Variants in MORN5 observed in about 807,000 individuals in gnomAD.
The protein encoded by MORN5 is MORN repeat-containing protein 5.
In MORN5, 21 loss-of-function variants were observed where a neutral mutation model predicts 22.1. The observed-to-expected ratio is 0.95, with a 90% CI of 0.67 to 1.37. The LOEUF (loss-of-function observed/expected upper bound fraction) is 1.37. Ranked by LOEUF, MORN5 falls within the 40% of genes most tolerant of loss-of-function variation. MORN5 has a pLI of 0.00. For missense variants in MORN5, 211 were observed against 215.1 expected (o/e 0.98, Z 0.12); for synonymous variants, 73 against 74.0 (o/e 0.99, Z 0.07).
At chr9:122,181,815 G>A (rs1480525007) in intron 4 of MORN5, among the ~76,000 whole-genome samples, 2 of 152,166 alleles carry the variant, frequency 1.3e-5, no homozygotes, top group East Asian at 3.8e-4. Flanking sequence ...GAGAAATTAT[G>A]GTTAGAAAAA....
chr9:122,170,267 G>T (rs552112629), intron 3 of MORN5, among the ~76,000 whole-genome samples: 1 of 147,796 alleles, frequency 6.8e-6, no homozygotes, highest in African/African-American at 2.5e-5. Flanking sequence ...CTGCACTCCA[G>T]CCTGGGCGAC....
chr9:122,188,687 G>A (rs941628935), intron 4 of MORN5, among the ~76,000 whole-genome samples: 1 of 152,208 alleles, frequency 6.6e-6, no homozygotes, highest in Non-Finnish European at 1.5e-5. Context: ...AACATGTTTA[G>A]TGAACATGGA....
At chr9:122,173,334 A>G (rs927765022) in intron 3 of MORN5, among the ~76,000 whole-genome samples, 1 of 152,228 alleles carries the variant, frequency 6.6e-6, no homozygotes, top group Admixed American at 6.5e-5. Flanking sequence ...CTCTTCGAGC[A>G]TCTGTGAGAT....
chr9:122,175,614 G>A (rs1829438802), intron 4 of MORN5: 1 of 879,992 alleles, frequency 1.1e-6, no homozygotes, highest in Non-Finnish European at 1.3e-6. Flanking sequence ...ACGCGCACAT[G>A]CATACACACA....
chr9:122,199,134 C>T (rs1346465172), intron 4 of MORN5, among the ~76,000 whole-genome samples: 2 of 152,178 alleles, frequency 1.3e-5, no homozygotes, highest in African/African-American at 2.4e-5. Context: ...GTGATTCACT[C>T]AAGTCTCTTT....
rs371222600 is a variant in MORN5 at position 122,188,183 on chromosome 9, G to A, written c.440-11702G>A. ...GGAGTTTAGCTTCAGTCCTTCAGACGGTGAGGAGTAAAGACGGGAGTTGCA... is the reference window on the plus strand; with the variant it reads ...GGAGTTTAGCTTCAGTCCTTCAGACAGTGAGGAGTAAAGACGGGAGTTGCA... On this transcript the variant is annotated intron_variant, in intron 4 of 4. Coordinates refer to ENST00000373764, the MANE Select transcript of MORN5 (RefSeq NM_198469.4). Among the ~76,000 whole-genome samples the A allele has an allele frequency of 1.4e-3, 212 of 152,308 alleles. 1 individual carries two copies. The highest frequency in any genetic ancestry group is 2.2e-3 in the Admixed American group (34 of 15,306).
At position 122,175,485 on chromosome 9, in the gene MORN5, A is replaced by G. The variant is rs372269977; in HGVS notation, c.439+858A>G. 3 of 985,440 alleles carry G rather than the reference A, an allele frequency of 3.0e-6. No homozygotes were observed. The African/African-American group carries it at 5.2e-5, about 17-fold the overall frequency. 61.0% of individuals were successfully genotyped at this position (985,440 alleles called of 1,614,324 possible). A position where few individuals can be genotyped will look rare whatever the true frequency, so the allele number is the denominator to read the frequency against. ...ATAATAGAACATTTTCCTTTAATGC[A>G]GTGATTCCTAAACTTATCCTTTTCT... On this transcript the variant is annotated intron_variant, in intron 4 of 4. Transcript: ENST00000373764.
At chr9:122,181,395 C>T (rs1829537116) in intron 4 of MORN5, among the ~76,000 whole-genome samples, 1 of 152,138 alleles carries the variant, frequency 6.6e-6, no homozygotes, top group Non-Finnish European at 1.5e-5. Flanking sequence ...GGTCTTGGAG[C>T]GATGAATGAC....
In MORN5 at chr9:122,166,920, T is replaced by A. The variant is rs773131155; in HGVS notation, c.195+5T>A. 1.4e-5 allele frequency: 22 copies of A among 1,612,540 alleles called. No individual in the cohort carries two copies. The highest frequency in any genetic ancestry group is 1.7e-6 in the Non-Finnish European group (2 of 1,179,310). ...GAAAACGGATTGGCCATAAAGGTGA[T>A]CAGCTGGGGGGACGGATGCTGTGGA... is the stretch of plus-strand genomic sequence containing the variant. On this transcript the variant is annotated splice_donor_5th_base_variant and intron_variant, in intron 2 of 4. Transcript: ENST00000373764.
In MORN5 at chr9:122,164,527, A is replaced by G. The variant is rs903787453; in HGVS notation, c.48-2241A>G. On this transcript the variant is annotated intron_variant, in intron 1 of 4. Transcript: ENST00000373764. ...CCTGGCCTTGAACCAGAGGATTCTG[A>G]TACCATTCATGGAAATAGAGAACTC... The G allele has an allele frequency of 1.5e-5, 15 of 970,888 alleles. No individual in the cohort carries two copies. In the African/African-American group the frequency reaches 1.9e-4, roughly 12 times the overall value. The allele number at this position is 970,888 out of a possible 1,614,324, so 60.1% of individuals were successfully genotyped here. A position where few individuals can be genotyped will look rare whatever the true frequency, so the allele number is the denominator to read the frequency against.
intron 4 of MORN5, among the ~76,000 whole-genome samples, chr9:122,193,619 G>C (rs879228311): frequency 6.6e-6 from 1 of 152,224 alleles, no homozygotes; most frequent in Non-Finnish European, 1.5e-5. Context: ...AAATGTAAAT[G>C]TTTAAACTAT....
chr9:122,161,811 T>A (rs995583967), intron 1 of MORN5, among the ~76,000 whole-genome samples: 2 of 152,190 alleles, frequency 1.3e-5, no homozygotes, highest in African/African-American at 4.8e-5. Context: ...TGTATTTTCA[T>A]TGGGTTTGTG....
intron 4 of MORN5, chr9:122,175,617 T>TACACAC (rs3048170): frequency 7.0e-5 from 68 of 969,468 alleles, no homozygotes; most frequent in African/African-American, 1.2e-4. Context: ...CGCACATGCA[T>TACACAC]ACACACACAC....
Position 122,169,645 on chromosome 9 carries a change from G to A in MORN5, c.196G>A (p.Gly66Ser). 1 of 1,608,330 alleles carries A rather than the reference G, an allele frequency of 6.2e-7. No individual in the cohort carries two copies. Among genetic ancestry groups the A allele is most frequent in the Non-Finnish European group, 8.5e-7 (1 of 1,174,818 alleles). The change falls in exon 3 of 5, where the codon GGC (glycine) becomes AGC (serine). Residue 66 changes from glycine to serine, a missense_variant and splice_region_variant. Coordinates refer to ENST00000373764, the MANE Select transcript of MORN5 (RefSeq NM_198469.4). ...AIWENGLAIK[G>S]TYTFSDGLHY... is the part of the protein sequence containing the mutation. ...CACGTGTGTGCTCCTTGTCTTCCAG[G>A]GCACATATACGTTCTCAGATGGGCT...
At chr9:122,174,304 G>C (rs1443196129) in intron 3 of MORN5, among the ~76,000 whole-genome samples, 192 bp from the exon 4 acceptor site, 2 of 152,186 alleles carry the variant, frequency 1.3e-5, no homozygotes, top group Non-Finnish European at 2.9e-5. Context: ...CTGTTCCCAA[G>C]AGCCATGTTC....
intron 4 of MORN5, among the ~76,000 whole-genome samples, chr9:122,181,834 G>A (rs1432748123): frequency 2.0e-5 from 3 of 152,200 alleles, no homozygotes; most frequent in Non-Finnish European, 4.4e-5. Context: ...AAAAGATTAA[G>A]TATTCAAAAT....
rs551320627 is a variant in MORN5, at chr9:122,171,582, T to C, written c.307+1826T>C. Reference sequence around the variant, plus strand: ...TCAGAATCCCTGAGCCTAAGATCCCTGCATCAAGCTTCCCTGACACCTGTA... The same window carrying C: ...TCAGAATCCCTGAGCCTAAGATCCCCGCATCAAGCTTCCCTGACACCTGTA... On this transcript the variant is annotated intron_variant, in intron 3 of 4. Transcript: ENST00000373764. 1.2e-4 allele frequency among the ~76,000 whole-genome samples: 19 copies of C among 152,282 alleles called. No homozygotes were observed. In the East Asian group the frequency reaches 3.3e-3, roughly 26 times the overall value.
intron 3 of MORN5, among the ~76,000 whole-genome samples, chr9:122,173,906 G>A (rs12340747): frequency 0.022 from 3,332 of 152,270 alleles, 123 homozygotes; most frequent in African/African-American, 0.077. Flanking sequence ...CTGCTCTCAG[G>A]ATTAAATAAA....
intron 2 of MORN5, 70 bp from the exon 3 acceptor site, chr9:122,169,575 T>C: frequency 9.9e-7 from 1 of 1,008,624 alleles, no homozygotes; most frequent in South Asian, 1.3e-5. Flanking sequence ...CCACTTCCCT[T>C]GACATCTGAA....
Sources: gnomAD v4.1 joint callset for allele counts (sites outside exome capture counted in the v4.1 genomes callset) on GRCh38, gnomAD v4.1.1 for gene constraint, MANE v1.5 for transcripts, NCBI Gene and HGNC (gene_info 2026-07-23, HGNC 2026-07-21) for gene names.